ENTREP2: variants seen among roughly 807,000 people sequenced by gnomAD.
The protein encoded by ENTREP2 is endosomal transmembrane epsin interactor 2.
the ENTREP2 span, among the ~76,000 whole-genome samples, chr15:29,169,861 T>C: frequency 1.1e-4 from 17 of 152,234 alleles, no homozygotes; most frequent in African/African-American, 4.1e-4. Flanking sequence ...GTCCCAGTCA[T>C]TGGAAGAAGA....
the ENTREP2 span, among the ~76,000 whole-genome samples, chr15:29,169,755 T>G: frequency 5.8e-4 from 88 of 152,204 alleles, no homozygotes; most frequent in Middle Eastern, 3.4e-3. Flanking sequence ...CTAATAAACT[T>G]GAAATAGACA....
the ENTREP2 span, among the ~76,000 whole-genome samples, chr15:29,413,176 A>C: frequency 6.6e-6 from 1 of 152,146 alleles, no homozygotes; most frequent in Non-Finnish European, 1.5e-5. Flanking sequence ...TTACTCTACA[A>C]ACTAAAAAAC....
chr15:29,270,224 TCTTA>T, the ENTREP2 span, among the ~76,000 whole-genome samples: 4 of 152,268 alleles, frequency 2.6e-5, no homozygotes, highest in African/African-American at 9.6e-5. Context: ...CCCAGAGGGC[TCTTA>T]GTTTTCGTCC....
At chr15:29,489,124 C>T in the ENTREP2 span, among the ~76,000 whole-genome samples, 5 of 146,464 alleles carry the variant, frequency 3.4e-5, no homozygotes, top group Non-Finnish European at 7.4e-5. Flanking sequence ...GTTAATTTCA[C>T]CTCAGTAAAG....
the ENTREP2 span, among the ~76,000 whole-genome samples, chr15:29,485,577 A>T: frequency 1.4e-4 from 21 of 152,234 alleles, no homozygotes; most frequent in Non-Finnish European, 1.0e-4. Flanking sequence ...CACACGGTAG[A>T]GTGCCAAAAC....
chr15:29,227,615 C>T, the ENTREP2 span, among the ~76,000 whole-genome samples: 23 of 152,114 alleles, frequency 1.5e-4, no homozygotes, highest in South Asian at 4.8e-3. Flanking sequence ...TGTCATGAGG[C>T]TAAATCTGCT....
At chr15:29,629,811 T>C in the ENTREP2 span, among the ~76,000 whole-genome samples, 4 of 152,178 alleles carry the variant, frequency 2.6e-5, no homozygotes, top group African/African-American at 4.8e-5. Context: ...TTTGTTTCTT[T>C]AGCTGTTCTT....
chr15:29,371,341 C>T, the ENTREP2 span, among the ~76,000 whole-genome samples: 1 of 140,402 alleles, frequency 7.1e-6, no homozygotes, highest in African/African-American at 3.0e-5. Context: ...TACCACCACA[C>T]CCCCGCAAAC....
At chr15:29,137,116 A>T in the ENTREP2 span, 1 of 1,472,588 alleles carries the variant, frequency 6.8e-7, no homozygotes, top group Non-Finnish European at 8.9e-7. Flanking sequence ...AACTCGTCGA[A>T]ATCCAGGGTC....
the ENTREP2 span, chr15:29,122,467 C>G: frequency 6.6e-6 from 1 of 152,190 alleles, no homozygotes; most frequent in Non-Finnish European, 1.5e-5. Context: ...TCAGAGAAAC[C>G]GGCCTCTCTC....
chr15:29,302,152 A>C, the ENTREP2 span, among the ~76,000 whole-genome samples: 1 of 152,098 alleles, frequency 6.6e-6, no homozygotes, highest in Non-Finnish European at 1.5e-5. Context: ...TCATATTGCA[A>C]ATATCTGATA....
chr15:29,318,629 T>C, the ENTREP2 span, among the ~76,000 whole-genome samples: 19 of 152,084 alleles, frequency 1.2e-4, no homozygotes, highest in Non-Finnish European at 2.6e-4. Flanking sequence ...CAAATTAAGG[T>C]ATGTACACTT....
chr15:29,317,234 ACAT>A, the ENTREP2 span, among the ~76,000 whole-genome samples: 1 of 152,250 alleles, frequency 6.6e-6, no homozygotes, highest in Non-Finnish European at 1.5e-5. Context: ...CCATAAAACT[ACAT>A]ATAACTATTA....
the ENTREP2 span, among the ~76,000 whole-genome samples, chr15:29,404,987 T>C: frequency 6.6e-6 from 1 of 151,962 alleles, no homozygotes; most frequent in Non-Finnish European, 1.5e-5. Flanking sequence ...ACCTGGTACC[T>C]GGCTGCCACC....
chr15:29,651,456 A>T, the ENTREP2 span, among the ~76,000 whole-genome samples: 2 of 152,194 alleles, frequency 1.3e-5, no homozygotes, highest in Non-Finnish European at 2.9e-5. Flanking sequence ...TGCAGCAGAC[A>T]GGCAGGCCTG....
At chr15:29,616,577 C>G in the ENTREP2 span, among the ~76,000 whole-genome samples, 1 of 152,124 alleles carries the variant, frequency 6.6e-6, no homozygotes, top group South Asian at 2.1e-4. Context: ...ACTTGATGAT[C>G]TGATTGGTTG....
At chr15:29,220,607 G>A in the ENTREP2 span, among the ~76,000 whole-genome samples, 1 of 152,068 alleles carries the variant, frequency 6.6e-6, no homozygotes, top group South Asian at 2.1e-4. Flanking sequence ...CCACAGGAAC[G>A]GTGGGAAACT....
the ENTREP2 span, among the ~76,000 whole-genome samples, chr15:29,333,430 C>G: frequency 6.6e-6 from 1 of 152,108 alleles, no homozygotes; most frequent in African/African-American, 2.4e-5. Context: ...CACCCCCCGC[C>G]CCACTTGACA....
the ENTREP2 span, among the ~76,000 whole-genome samples, chr15:29,470,875 T>C: frequency 1.3e-5 from 2 of 152,240 alleles, no homozygotes; most frequent in Non-Finnish European, 2.9e-5. Flanking sequence ...CAATTAAAAA[T>C]TGCTCAAGTC....
Sources: gnomAD v4.1 joint callset for allele counts (sites outside exome capture counted in the v4.1 genomes callset) on GRCh38, gnomAD v4.1.1 for gene constraint, MANE v1.5 for transcripts, NCBI Gene and HGNC (gene_info 2026-07-23, HGNC 2026-07-21) for gene names.